Variants in NDUFAF2 observed in about 807,000 individuals in gnomAD.
NDUFAF2 encodes the protein NADH:ubiquinone oxidoreductase complex assembly factor 2, also known as NADH dehydrogenase [ubiquinone] 1 alpha subcomplex assembly factor 2.
A neutral mutation model predicts 22.8 loss-of-function variants in NDUFAF2; 13 were observed. The observed-to-expected ratio is 0.57, with a 90% CI of 0.37 to 0.91. The LOEUF is 0.91. Among genes scored for constraint, NDUFAF2 ranks in the 40% least tolerant of loss-of-function variants. The pLI is 0.01. For synonymous variants in NDUFAF2, 53 were observed against 64.2 expected, an observed-to-expected ratio of 0.83 and a Z score of 0.84; for missense variants, 162 against 195.2, an observed-to-expected ratio of 0.83 and a Z score of 1.01.
At chr5:61,004,387 C>G (rs994575876) in intron 1 of NDUFAF2, among the ~76,000 whole-genome samples, 19 of 151,904 alleles carry the variant, frequency 1.3e-4, no homozygotes, top group African/African-American at 4.6e-4. Flanking sequence ...TTTAATAATA[C>G]AAGAGTCTGA....
chr5:61,120,997 A>AT (rs200827324), intron 3 of NDUFAF2, among the ~76,000 whole-genome samples: 1 of 152,024 alleles, frequency 6.6e-6, no homozygotes, highest in Admixed American at 6.6e-5. Flanking sequence ...TAAATTTGAC[A>AT]TTTTTTTAAT....
At chr5:60,962,246 A>G (rs1274679865) in intron 1 of NDUFAF2, among the ~76,000 whole-genome samples, 1 of 151,918 alleles carries the variant, frequency 6.6e-6, no homozygotes, top group Non-Finnish European at 1.5e-5. Context: ...GCACAATATG[A>G]CATTCTTCTT....
At position 60,945,253 on chromosome 5, in the gene NDUFAF2, G is replaced by T; in HGVS notation, c.-3G>T. The T allele has an allele frequency of 6.2e-7, 1 of 1,612,658 alleles. No individual in the cohort carries two copies. Reference sequence around the variant, plus strand: ...TGGCAGCGCTGGAAACTGGGTGGACGGCATGGGTTGGTCTCAGGATTTGTT... The same window carrying T: ...TGGCAGCGCTGGAAACTGGGTGGACTGCATGGGTTGGTCTCAGGATTTGTT... On this transcript the variant is annotated 5_prime_UTR_variant, in exon 1 of 4. Coordinates refer to ENST00000296597, the MANE Select transcript of NDUFAF2 (RefSeq NM_174889.5).
intron 3 of NDUFAF2, among the ~76,000 whole-genome samples, chr5:61,112,635 T>G (rs1193277573): frequency 6.6e-6 from 1 of 152,238 alleles, no homozygotes; most frequent in Admixed American, 6.5e-5. Context: ...ATTTTCAGGC[T>G]ATATGAGTCT....
intron 1 of NDUFAF2, among the ~76,000 whole-genome samples, chr5:61,029,242 C>T (rs1751694147): frequency 6.6e-6 from 1 of 152,022 alleles, no homozygotes; most frequent in African/African-American, 2.4e-5. Context: ...GGAAATGTCT[C>T]CACCTTTCTC....
intron 1 of NDUFAF2, among the ~76,000 whole-genome samples, chr5:60,962,877 CATTTATTT>C (rs557797293): frequency 6.6e-6 from 1 of 151,022 alleles, no homozygotes; most frequent in African/African-American, 2.4e-5. Context: ...AAGAGATTGT[CATTTATTT>C]ATTTATTTAT....
chr5:61,070,501 A>T (rs973557439), intron 1 of NDUFAF2, among the ~76,000 whole-genome samples: 7 of 151,988 alleles, frequency 4.6e-5, no homozygotes, highest in Non-Finnish European at 5.9e-5. Flanking sequence ...ATACTTTTTT[A>T]AAAAATCTTT....
intron 1 of NDUFAF2, among the ~76,000 whole-genome samples, chr5:61,008,129 A>G (rs1751394227): frequency 7.7e-6 from 1 of 129,560 alleles, no homozygotes; most frequent in African/African-American, 3.0e-5. Flanking sequence ...AGGAAGGGGA[A>G]CATCACACTC....
chr5:61,094,828 C>T (rs905260721), intron 2 of NDUFAF2, among the ~76,000 whole-genome samples: 10 of 152,156 alleles, frequency 6.6e-5, no homozygotes, highest in Non-Finnish European at 1.2e-4. Flanking sequence ...TGGCAGCCTG[C>T]GCCTTTCTCT....
At chr5:61,132,064 C>A (rs1330152434) in intron 3 of NDUFAF2, among the ~76,000 whole-genome samples, 1 of 152,134 alleles carries the variant, frequency 6.6e-6, no homozygotes, top group African/African-American at 2.4e-5. Flanking sequence ...CTTTGCTAAA[C>A]CAAAATGGCA....
chr5:61,145,673 T>G (rs1741128120), intron 3 of NDUFAF2, among the ~76,000 whole-genome samples: 1 of 152,214 alleles, frequency 6.6e-6, no homozygotes. Flanking sequence ...AACTCAAGCC[T>G]AAACTAATTT....
At chr5:61,109,230 A>G (rs577513146) in intron 3 of NDUFAF2, among the ~76,000 whole-genome samples, 6 of 152,252 alleles carry the variant, frequency 3.9e-5, no homozygotes, top group African/African-American at 1.2e-4. Context: ...TGTAAATGGG[A>G]TTACTTCCCT....
intron 1 of NDUFAF2, among the ~76,000 whole-genome samples, chr5:61,021,200 A>C (rs188397979): frequency 6.6e-6 from 1 of 152,228 alleles, no homozygotes; most frequent in East Asian, 1.9e-4. Flanking sequence ...CAGATAGCCA[A>C]AATTAGTCTC....
intron 1 of NDUFAF2, among the ~76,000 whole-genome samples, chr5:61,059,255 G>T (rs1019479383): frequency 1.3e-5 from 2 of 152,034 alleles, no homozygotes; most frequent in East Asian, 3.8e-4. Context: ...TTAGAACTTT[G>T]AAGTTTTGTT....
intron 3 of NDUFAF2, among the ~76,000 whole-genome samples, chr5:61,142,227 G>A (rs1579852466): frequency 6.6e-6 from 1 of 152,096 alleles, no homozygotes; most frequent in East Asian, 1.9e-4. Context: ...TTTATGCTTA[G>A]AGGCCCTTTT....
At chr5:61,115,602 A>C (rs1284966313) in intron 3 of NDUFAF2, 1 of 152,188 alleles carries the variant, frequency 6.6e-6, no homozygotes, top group African/African-American at 2.4e-5. Flanking sequence ...AAGGAAAAAA[A>C]CCGGAAAGAA....
chr5:60,969,414 G>A (rs1419804143), intron 1 of NDUFAF2, among the ~76,000 whole-genome samples: 2 of 152,114 alleles, frequency 1.3e-5, no homozygotes, highest in Non-Finnish European at 2.9e-5. Flanking sequence ...TTTAACCAGA[G>A]TGAGATGATA....
intron 2 of NDUFAF2, among the ~76,000 whole-genome samples, chr5:61,081,994 G>A (rs150205638): frequency 1.3e-5 from 2 of 152,328 alleles, no homozygotes; most frequent in Admixed American, 1.3e-4. Context: ...TGTTACAAAT[G>A]TTTTTAGCAT....
At chr5:61,037,677 G>A (rs576904519) in intron 1 of NDUFAF2, among the ~76,000 whole-genome samples, 1 of 152,082 alleles carries the variant, frequency 6.6e-6, no homozygotes, top group Non-Finnish European at 1.5e-5. Context: ...CTTGGTGAAA[G>A]AACCCATCCC....
Sources: gnomAD v4.1 joint callset for allele counts (sites outside exome capture counted in the v4.1 genomes callset) on GRCh38, gnomAD v4.1.1 for gene constraint, MANE v1.5 for transcripts, NCBI Gene and HGNC (gene_info 2026-07-23, HGNC 2026-07-21) for gene names.